MACROD2: variants seen among roughly 807,000 people sequenced by gnomAD.
MACROD2 encodes the protein ADP-ribose glycohydrolase MACROD2.
A neutral mutation model predicts 70.4 loss-of-function variants in MACROD2; 36 were observed. That is an observed-to-expected ratio of 0.51 (90% confidence interval 0.39 to 0.68). MACROD2 has a LOEUF of 0.68. Among genes scored for constraint, MACROD2 ranks in the 30% least tolerant of loss-of-function variants. The probability of loss-of-function intolerance (pLI) is 0.00; values close to 1 mark genes in which losing one functional copy is unlikely to be tolerated. For synonymous variants in MACROD2, 172 were observed against 178.8 expected (o/e 0.96, Z 0.30); for missense variants, 496 against 538.4 (o/e 0.92, Z 0.78).
intron 6 of MACROD2, among the ~76,000 whole-genome samples, chr20:15,407,215 G>A (rs2146318264): frequency 6.6e-6 from 1 of 152,294 alleles, no homozygotes; most frequent in Non-Finnish European, 1.5e-5. Context: ...CTGGGAGGTT[G>A]TGCTTTGTTC....
chr20:15,588,749 C>T (rs2146663546), intron 8 of MACROD2, among the ~76,000 whole-genome samples: 1 of 152,310 alleles, frequency 6.6e-6, no homozygotes, highest in African/African-American at 2.4e-5. Context: ...ACAAGTTCCT[C>T]ATCTCCATCT....
At chr20:14,881,917 T>C (rs576357561) in intron 5 of MACROD2, among the ~76,000 whole-genome samples, 1 of 152,316 alleles carries the variant, frequency 6.6e-6, no homozygotes, top group Admixed American at 6.5e-5. Context: ...GACTTCTATT[T>C]GTATAGTGTT....
At chr20:14,238,262 G>A (rs2081895532) in intron 3 of MACROD2, among the ~76,000 whole-genome samples, 1 of 151,966 alleles carries the variant, frequency 6.6e-6, no homozygotes, top group African/African-American at 2.4e-5. Context: ...ATCAATAAAT[G>A]TTATTTATTA....
At position 15,625,227 on chromosome 20, in the gene MACROD2, C is replaced by G. The variant is rs116639683; in HGVS notation, c.645+125380C>G. 2.5e-3 allele frequency among the ~76,000 whole-genome samples: 376 copies of G among 152,248 alleles called. 2 individuals are homozygous for G. The highest frequency in any genetic ancestry group is 8.6e-3 in the African/African-American group (358 of 41,534). Reference sequence around the variant, plus strand: ...AACGTTCTTTCCTAAAGAGAAGCATCCAAGTGTAGAGAAGACCACAAGTGA... The same window carrying G: ...AACGTTCTTTCCTAAAGAGAAGCATGCAAGTGTAGAGAAGACCACAAGTGA... On this transcript the variant is annotated intron_variant, in intron 8 of 17. Transcript: ENST00000684519.
chr20:15,408,967 A>G (rs902331105), intron 6 of MACROD2, among the ~76,000 whole-genome samples: 3 of 152,194 alleles, frequency 2.0e-5, no homozygotes, highest in East Asian at 1.9e-4. Flanking sequence ...TTTTGCTTCA[A>G]TTCCTAAAAG....
At chr20:14,910,329 C>A (rs976571465) in intron 5 of MACROD2, among the ~76,000 whole-genome samples, 1 of 152,104 alleles carries the variant, frequency 6.6e-6, no homozygotes, top group Non-Finnish European at 1.5e-5. Flanking sequence ...GATTGGGGAG[C>A]AGAATTACAG....
chr20:14,152,563 A>G (rs1386458925), intron 3 of MACROD2, among the ~76,000 whole-genome samples: 1 of 151,924 alleles, frequency 6.6e-6, no homozygotes, highest in Non-Finnish European at 1.5e-5. Context: ...AGTAGCTGGA[A>G]TTACAGATGT....
At chr20:14,821,777 T>C (rs775198342) in intron 5 of MACROD2, among the ~76,000 whole-genome samples, 4 of 152,052 alleles carry the variant, frequency 2.6e-5, no homozygotes, top group Non-Finnish European at 4.4e-5. Context: ...CACTGGGAGC[T>C]ACTATGTAGG....
At chr20:15,958,671 G>A (rs1363641842) in intron 12 of MACROD2, among the ~76,000 whole-genome samples, 1 of 152,120 alleles carries the variant, frequency 6.6e-6, no homozygotes, top group African/African-American at 2.4e-5. Flanking sequence ...TGTGGACTTC[G>A]TGTTTGTCCC....
At chr20:15,146,511 T>C (rs392189) in intron 5 of MACROD2, among the ~76,000 whole-genome samples, 1 of 151,984 alleles carries the variant, frequency 6.6e-6, no homozygotes, top group Non-Finnish European at 1.5e-5. Flanking sequence ...TTCTAGAAAT[T>C]CAGAATTCAC....
intron 3 of MACROD2, among the ~76,000 whole-genome samples, chr20:14,363,446 A>G (rs2083242069): frequency 6.6e-6 from 1 of 152,172 alleles, no homozygotes; most frequent in African/African-American, 2.4e-5. Flanking sequence ...ATCAGTTATG[A>G]AGATGAAATG....
intron 5 of MACROD2, among the ~76,000 whole-genome samples, chr20:14,909,377 A>G (rs7269630): frequency 0.25 from 38,210 of 151,930 alleles, 5,122 homozygotes; most frequent in African/African-American, 0.32. Context: ...TAGGTCACAA[A>G]GTTGACATTC....
chr20:15,805,956 G>C (rs1049925905), intron 8 of MACROD2, among the ~76,000 whole-genome samples: 1 of 152,174 alleles, frequency 6.6e-6, no homozygotes, highest in Non-Finnish European at 1.5e-5. Flanking sequence ...TCTGCTTACA[G>C]GGTAATATTT....
intron 15 of MACROD2, among the ~76,000 whole-genome samples, chr20:16,000,016 G>A (rs879348279): frequency 6.6e-6 from 1 of 152,200 alleles, no homozygotes. Context: ...ACTAAAGTCA[G>A]TAAGAACCCA....
At chr20:15,630,924 A>G (rs1324792463) in intron 8 of MACROD2, among the ~76,000 whole-genome samples, 2 of 152,190 alleles carry the variant, frequency 1.3e-5, no homozygotes, top group East Asian at 3.8e-4. Flanking sequence ...CAGAACTTTA[A>G]GTTTACCCCA....
intron 2 of MACROD2, chr20:14,051,890 T>G: frequency 1.9e-6 from 1 of 516,704 alleles, no homozygotes; most frequent in Non-Finnish European, 3.9e-6. Flanking sequence ...CCACATCTAC[T>G]ATAAACTTCT....
At chr20:15,390,257 A>G (rs1414846358) in intron 6 of MACROD2, among the ~76,000 whole-genome samples, 1 of 152,170 alleles carries the variant, frequency 6.6e-6, no homozygotes, top group Non-Finnish European at 1.5e-5. Context: ...TCTGCCATTA[A>G]GGTCCCAGGT....
intron 5 of MACROD2, among the ~76,000 whole-genome samples, chr20:14,843,725 G>A (rs1257614541): frequency 6.6e-6 from 1 of 152,030 alleles, no homozygotes; most frequent in Non-Finnish European, 1.5e-5. Flanking sequence ...ATTTCAAAGA[G>A]CTACTAACTT....
At chr20:15,027,561 G>A (rs1405935410) in intron 5 of MACROD2, among the ~76,000 whole-genome samples, 2 of 150,048 alleles carry the variant, frequency 1.3e-5, no homozygotes, top group East Asian at 3.9e-4. Flanking sequence ...TGGTGGTGGG[G>A]GGAAATAATA....
Sources: allele counts gnomAD v4.1 joint callset (sites outside exome capture counted in the v4.1 genomes callset), GRCh38; gene constraint gnomAD v4.1.1; transcripts MANE v1.5; gene names NCBI Gene and HGNC (gene_info 2026-07-23, HGNC 2026-07-21).